The following POFUT2 variants were observed in gnomAD, a reference collection of about 807,000 sequenced individuals.
The protein encoded by POFUT2 is GDP-fucose protein O-fucosyltransferase 2.
In POFUT2, 30 loss-of-function variants were observed where a neutral mutation model predicts 55.0. The ratio of observed to expected loss-of-function variants is 0.55; its 90% CI spans 0.41 to 0.74. POFUT2 has a LOEUF of 0.74. Among genes scored for constraint, POFUT2 ranks in the 30% least tolerant of loss-of-function variants. POFUT2 has a pLI of 0.00. For missense variants in POFUT2, 524 were observed against 562.6 expected (o/e 0.93, Z 0.69); for synonymous variants, 267 against 231.1 (o/e 1.16, Z -1.41).
At chr21:45,271,820 G>C (rs1479268066) in intron 6 of POFUT2, among the ~76,000 whole-genome samples, 4 of 152,128 alleles carry the variant, frequency 2.6e-5, no homozygotes, top group Non-Finnish European at 5.9e-5. Flanking sequence ...ATGAAGGAGA[G>C]ATCATCTTTT....
chr21:45,277,759 T>C lies in POFUT2; in HGVS notation c.705+344A>G. ...GGAAAAGACCCGCTGCAGAGAATAG[T>C]CCCACCTTTCAAAGCTAAAGAGAGG... On this transcript the variant is annotated intron_variant, in intron 5 of 8. Coordinates refer to ENST00000349485, the MANE Select transcript of POFUT2 (RefSeq NM_133635.6). The surrounding 1 kb of genome is among the most constrained non-coding windows in gnomAD (Gnocchi z 6.9). 3.0e-6 allele frequency: 1 copy of C among 338,576 alleles called. No individual in the cohort carries two copies. The highest frequency in any genetic ancestry group is 5.5e-6 in the Non-Finnish European group (1 of 181,918). 21.0% of individuals were successfully genotyped at this position (338,576 alleles called of 1,614,324 possible).
chr21:45,275,124 T>G (rs7276828), intron 6 of POFUT2, among the ~76,000 whole-genome samples: 45,427 of 151,958 alleles, frequency 0.3, 6,980 homozygotes, highest in East Asian at 0.45. Flanking sequence ...GGGACAGGAA[T>G]AGACAATTCT....
chr21:45,276,541 A>G (rs1392726211), intron 6 of POFUT2, among the ~76,000 whole-genome samples: 1 of 152,264 alleles, frequency 6.6e-6, no homozygotes, highest in Non-Finnish European at 1.5e-5. Flanking sequence ...AAACTTTCAG[A>G]AAACACTTAA....
rs941554680 is a variant in POFUT2, at chr21:45,267,388, A to T, written c.1136+202T>A. 8.8e-6 allele frequency: 14 copies of T among 1,596,880 alleles called. No individual in the cohort carries two copies. In the Admixed American group the frequency reaches 2.4e-4, roughly 27 times the overall value. On this transcript the variant is annotated intron_variant, in intron 8 of 8. Transcript: ENST00000349485. This position sits in a 1 kb window ranked among gnomAD's most constrained non-coding sequence, Gnocchi z 4.4. Reference sequence around the variant, plus strand: ...GGAGGAATTCTGTGCATGAGAACTAAAGGGGCAAGATGAACAATTAACTTC... The same window carrying T: ...GGAGGAATTCTGTGCATGAGAACTATAGGGGCAAGATGAACAATTAACTTC...
rs565254028 is a variant in POFUT2, at chr21:45,270,744, C to T, written c.832-725G>A. On this transcript the variant is annotated intron_variant, in intron 6 of 8. Coordinates refer to ENST00000349485, the MANE Select transcript of POFUT2 (RefSeq NM_133635.6). The surrounding 1 kb of genome is among the most constrained non-coding windows in gnomAD (Gnocchi z 4.6). ...CACAGGACTCTCCGCAGACATTCCC[C>T]AGCAGCATCCCAGGGCCTGGTAGCC... is the stretch of plus-strand genomic sequence containing the variant. Among the ~76,000 whole-genome samples the T allele has an allele frequency of 6.6e-6, 1 of 152,354 alleles. No individual in the cohort carries two copies. Among genetic ancestry groups the T allele is most frequent in the South Asian group, 2.1e-4 (1 of 4,828 alleles).
rs2093163483 is a variant in POFUT2, at chr21:45,267,186, C to T, written c.1136+404G>A. ...AATGATCACACGAGGGCCCACGCTCCCGGCCTCGGGGACGCTCACGGATGC... is the reference window on the plus strand; with the variant it reads ...AATGATCACACGAGGGCCCACGCTCTCGGCCTCGGGGACGCTCACGGATGC... On this transcript the variant is annotated intron_variant, in intron 8 of 8. Transcript: ENST00000349485. The surrounding 1 kb of genome is among the most constrained non-coding windows in gnomAD (Gnocchi z 4.4). The T allele has an allele frequency of 1.0e-5, 14 of 1,352,388 alleles. No individual in the cohort carries two copies. In the South Asian group the frequency reaches 1.6e-4, roughly 15 times the overall value. The allele number at this position is 1,352,388 out of a possible 1,614,324, so 83.8% of individuals were successfully genotyped here.
rs905983965 is a variant in POFUT2 at position 45,270,184 on chromosome 21, G to A, written c.832-165C>T. 17 of 423,644 alleles carry A rather than the reference G, an allele frequency of 4.0e-5. 1 individual carries two copies. The highest frequency in any genetic ancestry group is 2.9e-4 in the African/African-American group (14 of 48,692). 26.2% of individuals were successfully genotyped at this position (423,644 alleles called of 1,614,324 possible). ...GGGATTCAGGTGGAATCTCGGGGGC[G>A]ACCAGATGTCTTTCTAAGAAGACAG... On this transcript the variant is annotated intron_variant, in intron 6 of 8. Transcript: ENST00000349485. This position sits in a 1 kb window ranked among gnomAD's most constrained non-coding sequence, Gnocchi z 4.6.
intron 4 of POFUT2, among the ~76,000 whole-genome samples, chr21:45,280,228 C>G (rs1451678721): frequency 6.6e-6 from 1 of 152,230 alleles, no homozygotes; most frequent in African/African-American, 2.4e-5. Context: ...TCCCATCTCT[C>G]CCTCCGATGC....
rs905146311 is a variant in POFUT2 at position 45,265,836 on chromosome 21, T to C, written c.1137-201A>G. 1.5e-4 allele frequency: 215 copies of C among 1,393,222 alleles called. No individual in the cohort carries two copies. The highest frequency in any genetic ancestry group is 1.4e-3 in the African/African-American group (93 of 68,646). 86.3% of individuals were successfully genotyped at this position (1,393,222 alleles called of 1,614,324 possible). ...TCAGGTGCCCTCGACATCGGCGCCCTGAGGGGCTCTGCCTGGTGCTGCAGC... is the reference window on the plus strand; with the variant it reads ...TCAGGTGCCCTCGACATCGGCGCCCCGAGGGGCTCTGCCTGGTGCTGCAGC... On this transcript the variant is annotated intron_variant, in intron 8 of 8. Transcript: ENST00000349485. The surrounding 1 kb of genome is among the most constrained non-coding windows in gnomAD (Gnocchi z 4.6).
intron 2 of POFUT2, 37 bp from the exon 3 acceptor site, chr21:45,283,564 C>T (rs756038367): frequency 1.2e-5 from 20 of 1,608,410 alleles, no homozygotes; most frequent in Middle Eastern, 3.3e-4. Context: ...AGTGTGACAG[C>T]GATCAGAAGC....
chr21:45,287,893 T>A lies in POFUT2; in HGVS notation c.-22A>T, dbSNP rs1211727791. 6.2e-6 allele frequency: 8 copies of A among 1,293,262 alleles called. No individual in the cohort carries two copies. Among genetic ancestry groups the A allele is most frequent in the Non-Finnish European group, 7.9e-6 (8 of 1,014,152 alleles). The allele number at this position is 1,293,262 out of a possible 1,614,324, so 80.1% of individuals were successfully genotyped here. On this transcript the variant is annotated 5_prime_UTR_variant, in exon 1 of 9. Coordinates refer to ENST00000349485, the MANE Select transcript of POFUT2 (RefSeq NM_133635.6). ...CCATGGCCCCGGGCGGCCACGCACT[T>A]CCGGCGGCCGCGCCCCGCCCCGGAA...
Position 45,270,111 on chromosome 21 carries a change from A to C in POFUT2, c.832-92T>G. ...GTGGGACTCGAGACGCAGAGGGATGACCCTTTCCATGTGGCCTCCTCCACG... is the reference window on the plus strand; with the variant it reads ...GTGGGACTCGAGACGCAGAGGGATGCCCCTTTCCATGTGGCCTCCTCCACG... On this transcript the variant is annotated intron_variant, in intron 6 of 8. Transcript: ENST00000349485. The surrounding 1 kb of genome is among the most constrained non-coding windows in gnomAD (Gnocchi z 4.6). The C allele has an allele frequency of 9.5e-7, 1 of 1,053,672 alleles. No homozygotes were observed. Among genetic ancestry groups the C allele is most frequent in the Non-Finnish European group, 1.3e-6 (1 of 771,372 alleles). The allele number at this position is 1,053,672 out of a possible 1,614,324, so 65.3% of individuals were successfully genotyped here.
Position 45,283,366 on chromosome 21 carries a change from G to A in POFUT2, c.527+17C>T, listed in dbSNP as rs757286149. 3 of 1,582,680 alleles carry A rather than the reference G, an allele frequency of 1.9e-6. No homozygotes were observed. Among genetic ancestry groups the A allele is most frequent in the South Asian group, 1.1e-5 (1 of 89,590 alleles). ...TGGGGGGGCACCTGCGGCAGGGGGA[G>A]CAGCCTCAGCAGGCACCTGTAGTAC... On this transcript the variant is annotated intron_variant, in intron 3 of 8. Coordinates refer to ENST00000349485, the MANE Select transcript of POFUT2 (RefSeq NM_133635.6).
In POFUT2 at chr21:45,282,341, G is replaced by A. The variant is rs369528728; in HGVS notation, c.638+8C>T. ...CCAGGCTGCTCCCGGGGGGCCTGGG[G>A]CACTCACCGGGCTGATGTGTTTCTC... On this transcript the variant is annotated splice_region_variant and intron_variant, in intron 4 of 8. Transcript: ENST00000349485. The surrounding 1 kb of genome is among the most constrained non-coding windows in gnomAD (Gnocchi z 4.6). 54 of 1,578,174 alleles carry A rather than the reference G, an allele frequency of 3.4e-5. No individual in the cohort carries two copies. The highest frequency in any genetic ancestry group is 4.3e-5 in the Non-Finnish European group (49 of 1,148,442).
intron 4 of POFUT2, among the ~76,000 whole-genome samples, chr21:45,279,603 G>A (rs918607279): frequency 1.1e-4 from 16 of 152,276 alleles, no homozygotes; most frequent in African/African-American, 3.4e-4. Flanking sequence ...CTCGGCCCTC[G>A]TGGCTGCCTG....
chr21:45,270,155 C>T lies in POFUT2; in HGVS notation c.832-136G>A. The T allele has an allele frequency of 2.0e-6, 1 of 500,656 alleles. No individual in the cohort carries two copies. The highest frequency in any genetic ancestry group is 3.3e-6 in the Non-Finnish European group (1 of 307,572). 31.0% of individuals were successfully genotyped at this position (500,656 alleles called of 1,614,324 possible). A position where few individuals can be genotyped will look rare whatever the true frequency, so the allele number is the denominator to read the frequency against. Reference sequence around the variant, plus strand: ...CTCCACGGGGTGGCTCCAGGGCTGTCTAAGGGATTCAGGTGGAATCTCGGG... The same window carrying T: ...CTCCACGGGGTGGCTCCAGGGCTGTTTAAGGGATTCAGGTGGAATCTCGGG... On this transcript the variant is annotated intron_variant, in intron 6 of 8. Coordinates refer to ENST00000349485, the MANE Select transcript of POFUT2 (RefSeq NM_133635.6). This position sits in a 1 kb window ranked among gnomAD's most constrained non-coding sequence, Gnocchi z 4.6.
intron 7 of POFUT2, 31 bp downstream of exon 7, chr21:45,269,803 AGAAAG>A (rs1471916294): frequency 2.6e-6 from 4 of 1,565,596 alleles, no homozygotes; most frequent in South Asian, 1.2e-5. Context: ...ATAAATTAAA[AGAAAG>A]GAAAGAAACG....
chr21:45,272,280 C>T (rs986168178), intron 6 of POFUT2, among the ~76,000 whole-genome samples: 1 of 152,162 alleles, frequency 6.6e-6, no homozygotes, highest in Non-Finnish European at 1.5e-5. Context: ...ACAAAACAGA[C>T]TTTAAAGCAA....
Position 45,264,256 on chromosome 21 carries a change from C to T in POFUT2, c.*1226G>A, listed in dbSNP as rs1473865101. The T allele has an allele frequency of 1.3e-5, 2 of 152,252 alleles. No individual in the cohort carries two copies. The highest frequency in any genetic ancestry group is 2.4e-5 in the African/African-American group (1 of 41,446). The allele number at this position is 152,252 out of a possible 1,614,324, so 9.4% of individuals were successfully genotyped here. On this transcript the variant is annotated 3_prime_UTR_variant, in exon 9 of 9. Transcript: ENST00000349485. ...TGTCACAGGTGTCCATGTCACTGTT[C>T]CTCTAGCAGATGTGGAAAGTGGCTG...
Sources: allele counts gnomAD v4.1 joint callset (sites outside exome capture counted in the v4.1 genomes callset), GRCh38; gene constraint gnomAD v4.1.1; non-coding constraint Gnocchi (gnomAD v3.1); transcripts MANE v1.5; gene names NCBI Gene and HGNC (gene_info 2026-07-23, HGNC 2026-07-21).